COPS2: variants seen among roughly 807,000 people sequenced by gnomAD.
The protein encoded by COPS2 is COP9 signalosome complex subunit 2.
Under a neutral mutation model 66.1 loss-of-function variants are expected in COPS2, and 10 were observed. The ratio of observed to expected loss-of-function variants is 0.15; its 90% confidence interval spans 0.09 to 0.26. The LOEUF (loss-of-function observed/expected upper bound fraction) is 0.26, where lower values mean the gene tolerates loss of function less well. Among genes scored for constraint, COPS2 ranks in the 10% least tolerant of loss-of-function variants. COPS2 has a pLI of 1.00. For synonymous variants in COPS2, 179 were observed against 171.3 expected, an observed-to-expected ratio of 1.04 and a Z score of -0.35; for missense variants, 215 against 513.3, an observed-to-expected ratio of 0.42 and a Z score of 5.62.
chr15:49,130,488 A>C (rs1201266659), intron 10 of COPS2, among the ~76,000 whole-genome samples: 1 of 152,194 alleles, frequency 6.6e-6, no homozygotes, highest in East Asian at 1.9e-4. Context: ...TACCTTAAAC[A>C]AAATGGACAT....
chr15:49,155,429 G>C, intron 1 of COPS2, 96 bp downstream of exon 1: 1 of 1,118,170 alleles, frequency 8.9e-7, no homozygotes, highest in Non-Finnish European at 1.4e-6. Flanking sequence ...GCTGTAAACG[G>C]CACATGCTCT....
chr15:49,136,310 G>A (rs527863641), intron 6 of COPS2, among the ~76,000 whole-genome samples: 1 of 152,206 alleles, frequency 6.6e-6, no homozygotes, highest in South Asian at 2.1e-4. Context: ...GACAAAAAAG[G>A]GAATATAAAA....
rs551933640 is a variant in COPS2, at chr15:49,143,538, TG to T, written c.246+688del. On this transcript the variant is annotated intron_variant, in intron 3 of 12. Transcript: ENST00000388901. ...ATGTAAAGCCATGTGGATTTGCCAA[TG>T]GATTATTTGTGGGGTAATAGACAAT... Among the ~76,000 whole-genome samples, 47 of 152,300 alleles carry T rather than the reference TG, an allele frequency of 3.1e-4. No individual in the cohort carries two copies. The East Asian group carries it at 8.9e-3, about 29-fold the overall frequency.
At position 49,132,364 on chromosome 15, in the gene COPS2, T is replaced by TA. The variant is rs1343038098; in HGVS notation, c.947+1394dup. On this transcript the variant is annotated intron_variant, in intron 9 of 12. Coordinates refer to ENST00000388901, the MANE Select transcript of COPS2 (RefSeq NM_004236.4). ...CCCTAAAAAAAAACGCTTTTTTTTT[T>TA]ACAGCCAAAATTAAGGTTTCTTTAA... Among the ~76,000 whole-genome samples, 5 of 151,896 alleles carry TA rather than the reference T, an allele frequency of 3.3e-5. No individual in the cohort carries two copies. In the South Asian group the frequency reaches 8.3e-4, roughly 25 times the overall value.
At chr15:49,140,223 G>C (rs944637456) in intron 3 of COPS2, among the ~76,000 whole-genome samples, 1 of 151,536 alleles carries the variant, frequency 6.6e-6, no homozygotes, top group African/African-American at 2.4e-5. Flanking sequence ...TTGAACTCCC[G>C]ATCTCAGGTG....
chr15:49,140,490 A>C (rs1402116029), intron 3 of COPS2, among the ~76,000 whole-genome samples: 2 of 152,182 alleles, frequency 1.3e-5, no homozygotes, highest in African/African-American at 4.8e-5. Flanking sequence ...TTTCAAGTCA[A>C]GAAAAGACCC....
At chr15:49,133,868 AAAG>A in intron 8 of COPS2, 57 bp from the exon 9 acceptor site, 1 of 1,547,430 alleles carries the variant, frequency 6.5e-7, no homozygotes, top group Non-Finnish European at 8.7e-7. Flanking sequence ...CATTTTAAAA[AAAG>A]AAATAACATT....
Position 49,139,416 on chromosome 15 carries a change from T to C in COPS2, c.372+112A>G, listed in dbSNP as rs891391626. On this transcript the variant is annotated intron_variant, in intron 4 of 12. Coordinates refer to ENST00000388901, the MANE Select transcript of COPS2 (RefSeq NM_004236.4). ...ATCATTTTTAAAGCATACTAATAAC[T>C]AGCACAACTACTTAAATAGAAGCTC... The C allele has an allele frequency of 7.4e-6, 6 of 815,170 alleles. No individual in the cohort carries two copies. In the African/African-American group the frequency reaches 1.1e-4, roughly 14 times the overall value. The allele number at this position is 815,170 out of a possible 1,614,324, so 50.5% of individuals were successfully genotyped here.
intron 4 of COPS2, chr15:49,137,711 C>T (rs973447635): frequency 7.2e-5 from 22 of 304,730 alleles, no homozygotes; most frequent in Non-Finnish European, 1.3e-4. Context: ...TAATAGTACA[C>T]GTTTGTCCTT....
intron 8 of COPS2, 50 bp downstream of exon 8, chr15:49,133,880 T>A: frequency 6.5e-7 from 1 of 1,546,622 alleles, no homozygotes. Context: ...AGAAATAACA[T>A]TTATTTCCAG....
chr15:49,142,398 T>A (rs1433937507), intron 3 of COPS2, among the ~76,000 whole-genome samples: 3 of 151,860 alleles, frequency 2.0e-5, no homozygotes, highest in Non-Finnish European at 2.9e-5. Flanking sequence ...CATACCAGAG[T>A]GACAGTACCT....
rs507054 is a variant in COPS2 at position 49,129,671 on chromosome 15, T to C, written c.1046-112A>G. ...CAAAATACATCTTCCTGCTTGGCAA[T>C]GATATAAAGTGTTTAGATTTTAAAA... On this transcript the variant is annotated intron_variant, in intron 10 of 12. Transcript: ENST00000388901. The C allele has an allele frequency of 1.1e-5, 5 of 470,648 alleles. No homozygotes were observed. The East Asian group carries it at 1.9e-4, about 17-fold the overall frequency. 29.2% of individuals were successfully genotyped at this position (470,648 alleles called of 1,614,324 possible).
chr15:49,140,153 A>G (rs1435313108), intron 3 of COPS2, among the ~76,000 whole-genome samples: 1 of 151,258 alleles, frequency 6.6e-6, no homozygotes, highest in African/African-American at 2.4e-5. Context: ...CACCGGGCTA[A>G]TTTTGTATTT....
At chr15:49,140,620 A>G (rs557665783) in intron 3 of COPS2, among the ~76,000 whole-genome samples, 1 of 152,170 alleles carries the variant, frequency 6.6e-6, no homozygotes, top group South Asian at 2.1e-4. Flanking sequence ...ACTGAGACTT[A>G]TTCTGGGAGA....
At chr15:49,153,538 C>T (rs902472771) in intron 1 of COPS2, among the ~76,000 whole-genome samples, 1 of 152,106 alleles carries the variant, frequency 6.6e-6, no homozygotes, top group African/African-American at 2.4e-5. Flanking sequence ...CAATCCACTC[C>T]TGGGTTTATC....
chr15:49,146,727 T>G (rs931087814), intron 1 of COPS2, among the ~76,000 whole-genome samples: 5 of 152,276 alleles, frequency 3.3e-5, no homozygotes, highest in Admixed American at 6.5e-5. Flanking sequence ...TTAGCAGCCT[T>G]CTCATTCTCC....
chr15:49,142,802 T>C (rs749451004), intron 3 of COPS2, among the ~76,000 whole-genome samples: 3 of 152,156 alleles, frequency 2.0e-5, no homozygotes, highest in Non-Finnish European at 4.4e-5. Flanking sequence ...CTAGAATAAG[T>C]TATGAGTTCA....
chr15:49,122,738 T>C lies in COPS2; in HGVS notation c.*5212A>G, dbSNP rs150841997. The C allele has an allele frequency of 9.8e-5, 15 of 152,322 alleles. No homozygotes were observed. The East Asian group carries it at 2.5e-3, about 25-fold the overall frequency. 9.4% of individuals were successfully genotyped at this position (152,322 alleles called of 1,614,324 possible). On this transcript the variant is annotated 3_prime_UTR_variant, in exon 13 of 13. Coordinates refer to ENST00000388901, the MANE Select transcript of COPS2 (RefSeq NM_004236.4). Reference sequence around the variant, plus strand: ...AAATACTTAAGAAGTAGATTACGTATTTTTTATTACCAATAAGGAATGTGC... The same window carrying C: ...AAATACTTAAGAAGTAGATTACGTACTTTTTATTACCAATAAGGAATGTGC...
chr15:49,139,284 G>A (rs1466448570), intron 4 of COPS2: 2 of 362,960 alleles, frequency 5.5e-6, no homozygotes, highest in African/African-American at 4.3e-5. Context: ...AGCCTGAAAA[G>A]TTGTTTACAG....
Sources: gnomAD v4.1 joint callset for allele counts (sites outside exome capture counted in the v4.1 genomes callset) on GRCh38, gnomAD v4.1.1 for gene constraint, MANE v1.5 for transcripts, NCBI Gene and HGNC (gene_info 2026-07-23, HGNC 2026-07-21) for gene names.